Variants in PDE4B observed in about 807,000 individuals in gnomAD.
The protein encoded by PDE4B is phosphodiesterase 4B.
In PDE4B, 20 loss-of-function variants were observed where a neutral mutation model predicts 82.2. The ratio of observed to expected loss-of-function variants is 0.24; its 90% CI spans 0.17 to 0.35. The LOEUF (loss-of-function observed/expected upper bound fraction) is 0.35. Among genes scored for constraint, PDE4B ranks in the 10% least tolerant of loss-of-function variants. PDE4B has a pLI of 1.00. For missense variants in PDE4B, 655 were observed against 907.2 expected, an observed-to-expected ratio of 0.72 and a Z score of 3.57; for synonymous variants, 320 against 318.9, an observed-to-expected ratio of 1.00 and a Z score of -0.04.
intron 1 of PDE4B, among the ~76,000 whole-genome samples, chr1:65,809,213 C>T (rs1013095119): frequency 6.6e-6 from 1 of 151,604 alleles, no homozygotes; most frequent in Non-Finnish European, 1.5e-5. Flanking sequence ...GGCCTGTAAT[C>T]CCAGCTACTT....
intron 3 of PDE4B, among the ~76,000 whole-genome samples, chr1:65,963,357 C>G (rs1649645786): frequency 1.3e-5 from 2 of 152,154 alleles, no homozygotes; most frequent in Admixed American, 1.3e-4. Context: ...CTTCCCTTTC[C>G]TCCCCAGCAT....
At chr1:66,150,932 G>A (rs762986819) in intron 3 of PDE4B, among the ~76,000 whole-genome samples, 1 of 151,990 alleles carries the variant, frequency 6.6e-6, no homozygotes, top group Admixed American at 6.6e-5. Flanking sequence ...TATCCAATTC[G>A]CTAGAATTTT....
At chr1:66,298,295 G>A (rs539990813) in intron 7 of PDE4B, among the ~76,000 whole-genome samples, 2 of 152,200 alleles carry the variant, frequency 1.3e-5, no homozygotes, top group East Asian at 3.9e-4. Flanking sequence ...AAACATTTTG[G>A]TAAGTGGAAA....
intron 2 of PDE4B, among the ~76,000 whole-genome samples, chr1:65,915,344 C>T (rs1647147433): frequency 6.6e-6 from 1 of 152,140 alleles, no homozygotes; most frequent in Admixed American, 6.6e-5. Context: ...TGACATTTAG[C>T]TTCAATAGGG....
Position 65,956,970 on chromosome 1 carries a change from C to T in PDE4B, c.281+38135C>T, listed in dbSNP as rs185051448. Among the ~76,000 whole-genome samples the T allele has an allele frequency of 3.1e-4, 47 of 152,146 alleles. 1 individual carries two copies. The East Asian group carries it at 7.4e-3, about 24-fold the overall frequency. ...CAATCTAGTAGGTATGTACAGGTAT[C>T]TCATTGTGACTTTACTGAAGACTGG... On this transcript the variant is annotated intron_variant, in intron 3 of 16. Coordinates refer to ENST00000341517, the MANE Select transcript of PDE4B (RefSeq NM_002600.4).
chr1:65,998,302 C>G (rs1356905576), intron 3 of PDE4B, among the ~76,000 whole-genome samples: 1 of 151,780 alleles, frequency 6.6e-6, no homozygotes, highest in African/African-American at 2.4e-5. Flanking sequence ...GGGTTTCAGC[C>G]TAAGGATGCA....
intron 3 of PDE4B, among the ~76,000 whole-genome samples, chr1:66,007,220 G>T (rs968700500): frequency 1.3e-5 from 2 of 152,078 alleles, no homozygotes; most frequent in African/African-American, 2.4e-5. Flanking sequence ...TGAGGCAGGG[G>T]GATCATTTGA....
chr1:66,301,330 C>A (rs906414165), intron 7 of PDE4B, among the ~76,000 whole-genome samples: 2 of 152,090 alleles, frequency 1.3e-5, no homozygotes, highest in African/African-American at 4.8e-5. Flanking sequence ...GAGGTTTGGG[C>A]CTTGGAGGCT....
At chr1:66,369,320 T>C (rs1014733030) in intron 16 of PDE4B, among the ~76,000 whole-genome samples, 1 of 152,216 alleles carries the variant, frequency 6.6e-6, no homozygotes, top group Non-Finnish European at 1.5e-5. Flanking sequence ...ATTCAAGAAC[T>C]CTACTCCTCA....
At chr1:66,019,963 C>A (rs968769328) in intron 3 of PDE4B, among the ~76,000 whole-genome samples, 1 of 152,156 alleles carries the variant, frequency 6.6e-6, no homozygotes, top group Non-Finnish European at 1.5e-5. Flanking sequence ...GTCTGCCAGT[C>A]AACAAGAATT....
chr1:65,928,782 A>G (rs566722744), intron 3 of PDE4B, among the ~76,000 whole-genome samples: 3 of 152,248 alleles, frequency 2.0e-5, no homozygotes, highest in South Asian at 4.1e-4. Flanking sequence ...CCATTAAACC[A>G]AGGGAGATCA....
intron 7 of PDE4B, among the ~76,000 whole-genome samples, chr1:66,269,028 G>A (rs1014636227): frequency 1.3e-5 from 2 of 152,098 alleles, no homozygotes; most frequent in Non-Finnish European, 2.9e-5. Flanking sequence ...AATTGACCGG[G>A]AAAACTACAT....
intron 3 of PDE4B, among the ~76,000 whole-genome samples, chr1:66,084,921 A>C (rs939664016): frequency 6.6e-6 from 1 of 152,172 alleles, no homozygotes; most frequent in African/African-American, 2.4e-5. Flanking sequence ...AACCAAAGTG[A>C]ACAGCCAGTC....
intron 1 of PDE4B, among the ~76,000 whole-genome samples, chr1:65,903,419 GCA>G (rs10580572): frequency 0.3 from 45,200 of 148,208 alleles, 6,909 homozygotes; most frequent in South Asian, 0.48. Flanking sequence ...ACACACACAT[GCA>G]CACACACACA....
chr1:66,065,895 C>T (rs1655820872), intron 3 of PDE4B, among the ~76,000 whole-genome samples: 1 of 151,718 alleles, frequency 6.6e-6, no homozygotes, highest in African/African-American at 2.4e-5. Flanking sequence ...ATTAGTCCTC[C>T]GCTTAGGTGC....
chr1:65,999,675 T>C (rs372465131), intron 3 of PDE4B, among the ~76,000 whole-genome samples: 10 of 152,348 alleles, frequency 6.6e-5, no homozygotes, highest in Admixed American at 6.5e-4. Context: ...TTATTTGTTA[T>C]ATTGTCTTAT....
chr1:65,924,422 AT>A (rs1320085316), intron 3 of PDE4B, among the ~76,000 whole-genome samples: 1 of 151,264 alleles, frequency 6.6e-6, no homozygotes, highest in Non-Finnish European at 1.5e-5. Flanking sequence ...AACCTATTAT[AT>A]TTTTTTAATT....
At chr1:66,126,807 T>C (rs1296632535) in intron 3 of PDE4B, among the ~76,000 whole-genome samples, 1 of 152,194 alleles carries the variant, frequency 6.6e-6, no homozygotes, top group East Asian at 1.9e-4. Context: ...AAAATACTAA[T>C]TTTGTAATGG....
intron 3 of PDE4B, among the ~76,000 whole-genome samples, chr1:65,927,264 C>T (rs993585489): frequency 7.9e-5 from 12 of 151,348 alleles, no homozygotes; most frequent in Non-Finnish European, 2.9e-5. Context: ...CTGTTTCAAG[C>T]AATACCAACA....
Sources: allele counts gnomAD v4.1 joint callset (sites outside exome capture counted in the v4.1 genomes callset), GRCh38; gene constraint gnomAD v4.1.1; transcripts MANE v1.5; gene names NCBI Gene and HGNC (gene_info 2026-07-23, HGNC 2026-07-21).